CPXM2: variants seen among roughly 807,000 people sequenced by gnomAD.
CPXM2 encodes inactive carboxypeptidase-like protein X2.
Under a neutral mutation model 86.1 loss-of-function variants are expected in CPXM2, and 66 were observed. That is an observed-to-expected ratio of 0.77 (90% CI 0.63 to 0.94). The LOEUF (loss-of-function observed/expected upper bound fraction) is 0.94. CPXM2 is among the 40% of genes least tolerant of loss of function. The pLI is 0.00. For synonymous variants in CPXM2, 388 were observed against 400.2 expected, an observed-to-expected ratio of 0.97 and a Z score of 0.36; for missense variants, 948 against 1,026.3, an observed-to-expected ratio of 0.92 and a Z score of 1.04.
At chr10:123,803,776 C>T (rs1847516201) in intron 4 of CPXM2, among the ~76,000 whole-genome samples, 1 of 152,094 alleles carries the variant, frequency 6.6e-6, no homozygotes. Context: ...ATTCTCCTGC[C>T]TCAGCTTCCT....
chr10:123,880,315 G>C lies in CPXM2; in HGVS notation c.305-6C>G, dbSNP rs749426340. ...TTTTTTGTTGCTGTGTTTACCTAAA[G>C]GGGGAGAGAGAGATGCCTTTACTTT... is the stretch of plus-strand genomic sequence containing the variant. On this transcript the variant is annotated splice_polypyrimidine_tract_variant and splice_region_variant and intron_variant, in intron 1 of 13. Transcript: ENST00000241305. 1.4e-5 allele frequency: 19 copies of C among 1,311,666 alleles called. No homozygotes were observed. The highest frequency in any genetic ancestry group is 1.7e-5 in the Admixed American group (1 of 59,574). The allele number at this position is 1,311,666 out of a possible 1,614,324, so 81.3% of individuals were successfully genotyped here.
At chr10:123,783,149 C>T (rs1030364312) in intron 6 of CPXM2, among the ~76,000 whole-genome samples, 12 of 152,366 alleles carry the variant, frequency 7.9e-5, no homozygotes, top group African/African-American at 2.6e-4. Flanking sequence ...ATTAATAACC[C>T]ACTCCTTATT....
intron 7 of CPXM2, among the ~76,000 whole-genome samples, chr10:123,778,632 T>C (rs1267345765): frequency 6.6e-6 from 1 of 152,030 alleles, no homozygotes. Flanking sequence ...CTACCTAGAG[T>C]CTCTGTGCAA....
intron 6 of CPXM2, among the ~76,000 whole-genome samples, chr10:123,789,397 G>T (rs1013467358): frequency 3.3e-5 from 5 of 152,192 alleles, no homozygotes; most frequent in African/African-American, 1.2e-4. Context: ...GAAACCCTCT[G>T]GTTCCTTGGC....
At chr10:123,819,123 A>C (rs1847873850) in intron 4 of CPXM2, among the ~76,000 whole-genome samples, 1 of 152,174 alleles carries the variant, frequency 6.6e-6, no homozygotes, top group Admixed American at 6.5e-5. Context: ...CTAAGAAGGG[A>C]GTTACAGTGT....
chr10:123,764,873 A>C (rs563358888), intron 10 of CPXM2, among the ~76,000 whole-genome samples: 1 of 150,826 alleles, frequency 6.6e-6, no homozygotes, highest in Non-Finnish European at 1.5e-5. Flanking sequence ...CAATGTAAGA[A>C]CTTAAAGTTA....
In CPXM2 at chr10:123,798,081, G is replaced by C. The variant is rs1210313339; in HGVS notation, c.784C>G (p.Leu262Val). The stretch of plus-strand genomic sequence containing the variant: ...TAGCGGGCCACCATGGGGACGGGTA[G>C]CTCATTGAGAACAGGGATCTCCTTC... ...SEKEIPVLNE[L>V]PVPMVARYIR... is the part of the protein sequence containing the mutation. The change falls in exon 6 of 14, where the codon CTA becomes GTA. Residue 262 changes from leucine (L) to valine (V), a missense_variant. By Grantham distance (32) the Leu-to-Val change is conservative. Coordinates refer to ENST00000241305, the MANE Select transcript of CPXM2 (RefSeq NM_198148.3). 1.2e-6 allele frequency: 2 copies of C among 1,611,388 alleles called. No homozygotes were observed. Among genetic ancestry groups the C allele is most frequent in the African/African-American group, 2.7e-5 (2 of 74,870 alleles).
rs1741809410 is a variant in CPXM2, at chr10:123,810,247, A to C, written c.654-11048T>G. Among the ~76,000 whole-genome samples the C allele has an allele frequency of 2.0e-5, 3 of 152,020 alleles. No individual in the cohort carries two copies. In the South Asian group the frequency reaches 6.2e-4, roughly 31 times the overall value. ...ACAGGAGCTCCAAAAATATAAGCAA[A>C]AAGTAAAATAAAATAAAAATCAGTA... On this transcript the variant is annotated intron_variant, in intron 4 of 13. Transcript: ENST00000241305.
intron 4 of CPXM2, among the ~76,000 whole-genome samples, chr10:123,800,639 T>G (rs920404682): frequency 6.7e-6 from 1 of 149,342 alleles, no homozygotes; most frequent in Non-Finnish European, 1.5e-5. Context: ...GAGAGAGAGG[T>G]GATGAATGTA....
At chr10:123,843,230 G>C (rs1162503746) in intron 3 of CPXM2, 3 of 451,900 alleles carry the variant, frequency 6.6e-6, no homozygotes, top group Non-Finnish European at 1.3e-5. Flanking sequence ...GGGACTACAA[G>C]CACACACCAC....
chr10:123,904,197 T>G (rs574778379), intron 2 of CPXM2, among the ~76,000 whole-genome samples: 1 of 152,220 alleles, frequency 6.6e-6, no homozygotes, highest in Non-Finnish European at 1.5e-5. Context: ...TCTGGAAAAT[T>G]CTGTCTCAAT....
At chr10:123,836,154 C>T (rs1848275552) in intron 4 of CPXM2, among the ~76,000 whole-genome samples, 1 of 152,104 alleles carries the variant, frequency 6.6e-6, no homozygotes, top group Admixed American at 6.5e-5. Flanking sequence ...TGCTGAGTAG[C>T]CAGTCCTCAA....
intron 10 of CPXM2, among the ~76,000 whole-genome samples, chr10:123,763,002 T>C (rs1846381282): frequency 6.6e-6 from 1 of 152,326 alleles, no homozygotes; most frequent in Non-Finnish European, 1.5e-5. Context: ...CTTAATTCAT[T>C]GCACAGCATC....
chr10:123,747,276 G>A (rs559348568), intron 13 of CPXM2, among the ~76,000 whole-genome samples: 109 of 152,354 alleles, frequency 7.2e-4, no homozygotes, highest in Non-Finnish European at 1.3e-3. Context: ...CAAAGCTGGA[G>A]AGCCGATCAC....
At chr10:123,893,041 T>C (rs528820750), upstream of CPXM2, among the ~76,000 whole-genome samples, 1 of 152,344 alleles carries the variant, frequency 6.6e-6, no homozygotes, top group South Asian at 2.1e-4. Context: ...CCCAAAAAAT[T>C]CAGTATAGTC....
chr10:123,814,483 C>T (rs1272453625), intron 4 of CPXM2, among the ~76,000 whole-genome samples: 2 of 152,158 alleles, frequency 1.3e-5, no homozygotes, highest in Non-Finnish European at 1.5e-5. Flanking sequence ...TGAGTTAATA[C>T]TTAATAAACT....
chr10:123,854,407 TATATATAAAATATATA>T (rs1848673221), intron 3 of CPXM2, among the ~76,000 whole-genome samples: 1 of 120,732 alleles, frequency 8.3e-6, no homozygotes, highest in Non-Finnish European at 1.6e-5. Flanking sequence ...ATATATATAT[TATATATAAAATATATA>T]ATATATATAT....
At chr10:123,771,531 C>T (rs1166085366) in intron 7 of CPXM2, among the ~76,000 whole-genome samples, 1 of 152,128 alleles carries the variant, frequency 6.6e-6, no homozygotes, top group African/African-American at 2.4e-5. Context: ...TGAGCCCTCA[C>T]CAGACCCTAG....
chr10:123,896,269 G>T (rs1945337118), upstream of CPXM2, among the ~76,000 whole-genome samples: 1 of 152,102 alleles, frequency 6.6e-6, no homozygotes, highest in Non-Finnish European at 1.5e-5. Context: ...TCATTAATTT[G>T]AAAAATTAGC....
Sources: allele counts gnomAD v4.1 joint callset (sites outside exome capture counted in the v4.1 genomes callset), GRCh38; gene constraint gnomAD v4.1.1; transcripts MANE v1.5; gene names NCBI Gene and HGNC (gene_info 2026-07-23, HGNC 2026-07-21).